TRIM50: variants seen among roughly 807,000 people sequenced by gnomAD.
The protein encoded by TRIM50 is tripartite motif containing 50, also known as E3 ubiquitin-protein ligase TRIM50.
In TRIM50, 34 loss-of-function variants were observed where a neutral mutation model predicts 44.9. The ratio of observed to expected loss-of-function variants is 0.76; its 90% CI spans 0.58 to 1.01. The LOEUF (loss-of-function observed/expected upper bound fraction) is 1.01, where lower values mean the gene tolerates loss of function less well. Ranked by LOEUF, TRIM50 falls within the 50% of genes least tolerant of loss-of-function variation. The probability of loss-of-function intolerance (pLI) is 0.00; values close to 1 mark genes in which losing one functional copy is unlikely to be tolerated. For missense variants in TRIM50, 633 were observed against 663.7 expected (o/e 0.95, Z 0.51); for synonymous variants, 307 against 291.1 (o/e 1.05, Z -0.56).
In TRIM50 at chr7:73,313,712, T is replaced by G. The variant is rs1554543664; in HGVS notation, c.875-202A>C. ...TGAATGAATGAATGAATGAATGAAG[T>G]TTTACATAAGGAAGATCAATCACAG... is the stretch of plus-strand genomic sequence containing the variant. On this transcript the variant is annotated intron_variant, in intron 6 of 6. Transcript: ENST00000333149. This position sits in a 1 kb window ranked among gnomAD's most constrained non-coding sequence, Gnocchi z 4.9. 1.5e-5 allele frequency among the ~76,000 whole-genome samples: 2 copies of G among 130,168 alleles called. No homozygotes were observed. The highest frequency in any genetic ancestry group is 3.5e-5 in the Non-Finnish European group (2 of 57,710). The allele number at this position is 130,168 out of a possible 152,430, so 85.4% of individuals were successfully genotyped here.
chr7:73,324,443 G>A lies in TRIM50; in HGVS notation c.345C>T (p.Gly115=), dbSNP rs782666867. 5.0e-6 allele frequency: 8 copies of A among 1,613,522 alleles called. No homozygotes were observed. The highest frequency in any genetic ancestry group is 2.2e-5 in the South Asian group (2 of 91,044). Residue 115 remains glycine (G), a synonymous_variant, in exon 2 of 7, where the codon GGC becomes GGT. Transcript: ENST00000333149. ...GCGTGACCGGGTGGTGTTGGTGGGA[G>A]CCCAGCAGACCGCAGAGGCCACAGA... is the stretch of plus-strand genomic sequence containing the variant. ...ELICGLCGLL[G]SHQHHPVTPV...
Position 73,313,270 on chromosome 7 carries a change from C to A in TRIM50, c.1115G>T (p.Arg372Leu), listed in dbSNP as rs782766082. Residue 372 changes from arginine to leucine, a missense_variant, in exon 7 of 7, where the codon CGT becomes CTT. Coordinates refer to ENST00000333149, the MANE Select transcript of TRIM50 (RefSeq NM_178125.3). The surrounding 1 kb of genome is among the most constrained non-coding windows in gnomAD (Gnocchi z 4.9). Reference sequence around the variant, plus strand: ...GGGGGACCTGTTCAGCTTGCCCTTACGGCTGGCTGTGCCCTTGATGACCCC... The same window carrying A: ...GGGGGACCTGTTCAGCTTGCCCTTAAGGCTGGCTGTGCCCTTGATGACCCC... Reference protein sequence around the residue: ...RLGVIKGTASRKGKLNRSPEH... With the variant: ...RLGVIKGTASLKGKLNRSPEH... The A allele has an allele frequency of 1.2e-6, 2 of 1,601,670 alleles. No individual in the cohort carries two copies. Among genetic ancestry groups the A allele is most frequent in the Non-Finnish European group, 1.7e-6 (2 of 1,174,998 alleles).
intron 2 of TRIM50, among the ~76,000 whole-genome samples, chr7:73,323,276 C>G (rs1414099784): frequency 6.6e-6 from 1 of 152,192 alleles, no homozygotes; most frequent in South Asian, 2.1e-4. Flanking sequence ...CTCTCCATGC[C>G]CCAGCCGCAG....
rs782048648 is a variant in TRIM50, at chr7:73,324,693, C to G, written c.95G>C (p.Gly32Ala). 5 of 1,614,072 alleles carry G rather than the reference C, an allele frequency of 3.1e-6. No individual in the cohort carries two copies. In the East Asian group the frequency reaches 1.1e-4, roughly 36 times the overall value. ...CAGGCAGCCCTTGCAGTAAGAGTGG[C>G]CACACTGCAGCATCAGGGGCTCCTT... ...VFKEPLMLQCGHSYCKGCLVS... is the reference protein window; with the variant it reads ...VFKEPLMLQCAHSYCKGCLVS... Residue 32 changes from glycine (G) to alanine (A), a missense_variant, in exon 2 of 7, where the codon GGC becomes GCC. Transcript: ENST00000333149.
chr7:73,314,167 A>G (rs1804304663), intron 6 of TRIM50: 1 of 387,896 alleles, frequency 2.6e-6, no homozygotes, highest in Non-Finnish European at 4.8e-6. Flanking sequence ...TGGCGTGAAG[A>G]AGCAGGAGGC....
In TRIM50 at chr7:73,318,540, C is replaced by T. The variant is rs1804411466; in HGVS notation, c.749+147G>A. On this transcript the variant is annotated intron_variant, in intron 5 of 6. Transcript: ENST00000333149. ...CCTTGAAGGCAGGGACATGACTTTCCTCTGTTTTTCCCAGGCTCAGTTATA... is the reference window on the plus strand; with the variant it reads ...CCTTGAAGGCAGGGACATGACTTTCTTCTGTTTTTCCCAGGCTCAGTTATA... The T allele has an allele frequency of 1.9e-6, 3 of 1,543,118 alleles. No individual in the cohort carries two copies. The Admixed American group carries it at 5.5e-5, about 29-fold the overall frequency.
chr7:73,319,187 T>G (rs1416396160), intron 3 of TRIM50, 135 bp from the exon 4 acceptor site: 1 of 1,457,452 alleles, frequency 6.9e-7, no homozygotes, highest in Admixed American at 2.1e-5. Flanking sequence ...CTGCATGGCC[T>G]GGCGCCGGGC....
rs527528343 is a variant in TRIM50 at position 73,314,666 on chromosome 7, T to C, written c.875-1156A>G. 6.6e-5 allele frequency: 15 copies of C among 226,492 alleles called. 1 individual carries two copies. Among genetic ancestry groups the C allele is most frequent in the Admixed American group, 2.8e-4 (5 of 17,994 alleles). 14.0% of individuals were successfully genotyped at this position (226,492 alleles called of 1,614,324 possible). ...GAGTTTGCAAGCAGCCTGGCCAACA[T>C]AATGAAAAACCCCGTCTCTACTAAA... On this transcript the variant is annotated intron_variant, in intron 6 of 6. Transcript: ENST00000333149.
intron 6 of TRIM50, chr7:73,315,019 G>T: frequency 2.7e-6 from 1 of 367,586 alleles, no homozygotes; most frequent in African/African-American, 2.2e-5. Flanking sequence ...CTGCACCACT[G>T]TCGCCTTCAC....
chr7:73,316,645 G>A lies in TRIM50; in HGVS notation c.794C>T (p.Pro265Leu), dbSNP rs1554544132. ...QARPLEGAFSPISFKPGLHQA... is the reference protein window; with the variant it reads ...QARPLEGAFSLISFKPGLHQA... ...GTGGAGGCCTGGCTTGAAGGAGATG[G>A]GGCTGAATGCGCCTTCTAAGGGCCG... Residue 265 changes from proline (P) to leucine (L), a missense_variant, in exon 6 of 7, where the codon CCC (proline) becomes CTC (leucine). Transcript: ENST00000333149. 6.2e-7 allele frequency: 1 copy of A among 1,614,210 alleles called. No individual in the cohort carries two copies. The highest frequency in any genetic ancestry group is 1.1e-5 in the South Asian group (1 of 91,088).
intron 6 of TRIM50, chr7:73,315,228 TGA>T (rs1429361421): frequency 4.0e-4 from 73 of 180,576 alleles, no homozygotes; most frequent in African/African-American, 1.6e-3. Context: ...CGTACACTGT[TGA>T]GTTTTCTGTA....
rs553312213 is a variant in TRIM50 at position 73,324,396 on chromosome 7, C to T, written c.392G>A (p.Arg131His). 1.8e-5 allele frequency: 29 copies of T among 1,613,864 alleles called. No individual in the cohort carries two copies. In the East Asian group the frequency reaches 2.9e-4, roughly 16 times the overall value. Residue 131 changes from arginine (R) to histidine (H), a missense_variant, in exon 2 of 7, where the codon CGC becomes CAC. Transcript: ENST00000333149. Reference sequence around the variant, plus strand: ...TGCACCCTCACTCCCCACCTTCATGCGGCTGTAGACGGTGGAGACGGGCGT... The same window carrying T: ...TGCACCCTCACTCCCCACCTTCATGTGGCTGTAGACGGTGGAGACGGGCGT... The part of the protein sequence containing the change: ...PVTPVSTVYS[R>H]MKEELAALIS...
In TRIM50 at chr7:73,313,175, G is replaced by T. The variant is rs1435520613; in HGVS notation, c.1210C>A (p.Pro404Thr). The T allele has an allele frequency of 1.3e-6, 2 of 1,588,598 alleles. No homozygotes were observed. The highest frequency in any genetic ancestry group is 1.8e-5 in the Admixed American group (1 of 55,650). The change falls in exon 7 of 7, where the codon CCC becomes ACC. Residue 404 changes from proline to threonine, a missense_variant. Coordinates refer to ENST00000333149, the MANE Select transcript of TRIM50 (RefSeq NM_178125.3). The surrounding 1 kb of genome is among the most constrained non-coding windows in gnomAD (Gnocchi z 4.9). ...VYEAFACPRV[P>T]LPVAGHPHRI... Reference sequence around the variant, plus strand: ...TGGGGGTGGCCGGCCACGGGCAGGGGTACCCGGGGGCAGGCAAAGGCTTCG... The same window carrying T: ...TGGGGGTGGCCGGCCACGGGCAGGGTTACCCGGGGGCAGGCAAAGGCTTCG...
chr7:73,316,646 G>T lies in TRIM50; in HGVS notation c.793C>A (p.Pro265Thr). The T allele has an allele frequency of 6.2e-7, 1 of 1,614,208 alleles. No homozygotes were observed. The highest frequency in any genetic ancestry group is 1.1e-5 in the South Asian group (1 of 91,086). ...QARPLEGAFS[P>T]ISFKPGLHQA... Reference sequence around the variant, plus strand: ...TGGAGGCCTGGCTTGAAGGAGATGGGGCTGAATGCGCCTTCTAAGGGCCGG... The same window carrying T: ...TGGAGGCCTGGCTTGAAGGAGATGGTGCTGAATGCGCCTTCTAAGGGCCGG... The change falls in exon 6 of 7, where the codon CCC (proline) becomes ACC (threonine). Residue 265 changes from proline (P) to threonine (T), a missense_variant. Coordinates refer to ENST00000333149, the MANE Select transcript of TRIM50 (RefSeq NM_178125.3).
rs1190335254 is a variant in TRIM50 at position 73,313,503 on chromosome 7, C to G, written c.882G>C (p.Glu294Asp). 3 of 1,505,442 alleles carry G rather than the reference C, an allele frequency of 2.0e-6. No individual in the cohort carries two copies. The African/African-American group carries it at 4.1e-5, about 21-fold the overall frequency. 93.3% of individuals were successfully genotyped at this position (1,505,442 alleles called of 1,614,324 possible). Residue 294 changes from glutamate to aspartate, a missense_variant, in exon 7 of 7, where the codon GAG becomes GAC. Glu to Asp is a conservative substitution (Grantham distance 45). Coordinates refer to ENST00000333149, the MANE Select transcript of TRIM50 (RefSeq NM_178125.3). The surrounding 1 kb of genome is among the most constrained non-coding windows in gnomAD (Gnocchi z 4.9). ...CAGTGGCAGGGTCCAACTTGAGAGG[C>G]TCCGGGGCTGGGAGGGAGATCACAG... Reference protein sequence around the residue: ...RLFRKVLPAPEPLKLDPATAH... With the variant: ...RLFRKVLPAPDPLKLDPATAH...
chr7:73,319,125 C>T, intron 3 of TRIM50, 73 bp from the exon 4 acceptor site: 1 of 1,611,300 alleles, frequency 6.2e-7, no homozygotes, highest in Non-Finnish European at 8.5e-7. Flanking sequence ...GCCTCGGTGT[C>T]CCCAGGGCCT....
At chr7:73,321,510 G>A (rs1285619680) in intron 2 of TRIM50, among the ~76,000 whole-genome samples, 61 of 152,108 alleles carry the variant, frequency 4.0e-4, no homozygotes, top group Non-Finnish European at 7.2e-4. Flanking sequence ...ATCCATTCCT[G>A]GTGGGCTTGG....
At position 73,322,498 on chromosome 7, in the gene TRIM50, C is replaced by T. The variant is rs1452869261; in HGVS notation, c.399+1891G>A. 2.0e-5 allele frequency among the ~76,000 whole-genome samples: 3 copies of T among 152,182 alleles called. No individual in the cohort carries two copies. In the East Asian group the frequency reaches 5.8e-4, roughly 29 times the overall value. ...TAAAACATAAACTCGGCTTCCTCACCTGCAGTCAGCTTCCACCTTCCATAC... is the reference window on the plus strand; with the variant it reads ...TAAAACATAAACTCGGCTTCCTCACTTGCAGTCAGCTTCCACCTTCCATAC... On this transcript the variant is annotated intron_variant, in intron 2 of 6. Transcript: ENST00000333149.
chr7:73,326,775 G>A (rs1804640442), intron 1 of TRIM50, among the ~76,000 whole-genome samples: 1 of 151,852 alleles, frequency 6.6e-6, no homozygotes. Flanking sequence ...GAAATTCAAT[G>A]ACACTCTGTT....
Sources: gnomAD v4.1 joint callset for allele counts (sites outside exome capture counted in the v4.1 genomes callset) on GRCh38, gnomAD v4.1.1 for gene constraint, Gnocchi (gnomAD v3.1) non-coding constraint, MANE v1.5 for transcripts, NCBI Gene and HGNC (gene_info 2026-07-23, HGNC 2026-07-21) for gene names.